Variants in GPHN observed in about 807,000 individuals in gnomAD.
GPHN encodes the protein gephyrin.
A neutral mutation model predicts 95.5 loss-of-function variants in GPHN; 17 were observed. That is an observed-to-expected ratio of 0.18 (90% CI 0.12 to 0.27). The LOEUF is 0.27. GPHN is among the 10% of genes least tolerant of loss of function. The probability of loss-of-function intolerance (pLI) is 1.00; values close to 1 mark genes in which losing one functional copy is unlikely to be tolerated. For synonymous variants in GPHN, 320 were observed against 322.5 expected, an observed-to-expected ratio of 0.99 and a Z score of 0.08; for missense variants, 660 against 978.1, an observed-to-expected ratio of 0.67 and a Z score of 4.34.
the GPHN span, among the ~76,000 whole-genome samples, chr14:67,665,027 A>G: frequency 6.6e-6 from 1 of 152,068 alleles, no homozygotes; most frequent in Non-Finnish European, 1.5e-5. Context: ...CACCACAACC[A>G]GATAATTTTT....
intron 3 of GPHN, among the ~76,000 whole-genome samples, chr14:66,797,021 C>CTTTTTTTTTTTTTTTTTTTTTTTT (rs369681377): frequency 2.1e-4 from 17 of 81,216 alleles, no homozygotes; most frequent in Non-Finnish European, 3.4e-4. Flanking sequence ...TATCTAGTTC[C>CTTTTTTTTTTTTTTTTTTTTTTTT]TTTTTTTTTT....
At chr14:67,328,649 T>C in the GPHN span, among the ~76,000 whole-genome samples, 1 of 152,204 alleles carries the variant, frequency 6.6e-6, no homozygotes, top group African/African-American at 2.4e-5. Context: ...TGAATTAACT[T>C]TTGTATAAGG....
At chr14:66,536,743 G>T (rs1456284529) in intron 1 of GPHN, among the ~76,000 whole-genome samples, 2 of 152,130 alleles carry the variant, frequency 1.3e-5, no homozygotes, top group East Asian at 3.8e-4. Context: ...GCAGTCTTTG[G>T]TGTTAATGTT....
intron 1 of GPHN, among the ~76,000 whole-genome samples, chr14:66,672,715 A>T (rs780448557): frequency 6.6e-6 from 1 of 152,212 alleles, no homozygotes; most frequent in Non-Finnish European, 1.5e-5. Flanking sequence ...TCTGAAATTA[A>T]TACGCTACCT....
chr14:66,711,523 T>C (rs2153422292), intron 2 of GPHN, among the ~76,000 whole-genome samples: 1 of 152,194 alleles, frequency 6.6e-6, no homozygotes. Flanking sequence ...GTCTTTTTCA[T>C]ATAATGACTT....
At chr14:67,212,037 A>G in the GPHN span, among the ~76,000 whole-genome samples, 4 of 152,080 alleles carry the variant, frequency 2.6e-5, no homozygotes, top group Non-Finnish European at 4.4e-5. Flanking sequence ...AATCTTAACC[A>G]CTGTGAAGAT....
chr14:67,558,334 C>T, the GPHN span, among the ~76,000 whole-genome samples: 18 of 152,168 alleles, frequency 1.2e-4, no homozygotes, highest in African/African-American at 4.3e-4. Flanking sequence ...TGGTGCCTTC[C>T]AACCATAATG....
At chr14:67,222,411 C>G in the GPHN span, among the ~76,000 whole-genome samples, 41 of 152,246 alleles carry the variant, frequency 2.7e-4, no homozygotes, top group Non-Finnish European at 5.1e-4. Context: ...GCTGCCTCAG[C>G]CTCCTGAGTA....
the GPHN span, among the ~76,000 whole-genome samples, chr14:67,225,657 C>A: frequency 6.6e-6 from 1 of 152,128 alleles, no homozygotes; most frequent in Non-Finnish European, 1.5e-5. Context: ...CGTAGAGTGC[C>A]TGCAGGGCTG....
chr14:66,551,450 G>A (rs2059809169), intron 1 of GPHN, among the ~76,000 whole-genome samples: 1 of 152,064 alleles, frequency 6.6e-6, no homozygotes, highest in African/African-American at 2.4e-5. Flanking sequence ...TACTCTAGAT[G>A]TCATTTTGAG....
the GPHN span, among the ~76,000 whole-genome samples, chr14:67,635,858 AT>A: frequency 9.5e-4 from 145 of 152,234 alleles, 1 homozygote; most frequent in Non-Finnish European, 1.6e-3. Context: ...TCTAAAAAAA[AT>A]TTTTTTTAAA....
chr14:67,256,797 GACACACACAC>G, the GPHN span, among the ~76,000 whole-genome samples: 1 of 147,682 alleles, frequency 6.8e-6, no homozygotes, highest in Non-Finnish European at 1.5e-5. Context: ...AGAAACTATT[GACACACACAC>G]ACACACACAC....
chr14:66,615,678 CTGA>C (rs1442187676), intron 1 of GPHN, among the ~76,000 whole-genome samples: 2 of 151,908 alleles, frequency 1.3e-5, no homozygotes, highest in Admixed American at 6.6e-5. Flanking sequence ...CCTATTCATT[CTGA>C]TGATAGTTTC....
intron 1 of GPHN, among the ~76,000 whole-genome samples, chr14:66,627,008 A>C (rs954363742): frequency 6.6e-6 from 1 of 152,046 alleles, no homozygotes; most frequent in Non-Finnish European, 1.5e-5. Flanking sequence ...CAGTGTTAGA[A>C]TTATTATAAT....
chr14:66,568,889 C>T (rs2060564129), intron 1 of GPHN, among the ~76,000 whole-genome samples: 1 of 151,930 alleles, frequency 6.6e-6, no homozygotes, highest in Admixed American at 6.6e-5. Context: ...TTTGACAGTC[C>T]ATCATTTCTT....
the GPHN span, among the ~76,000 whole-genome samples, chr14:67,359,237 C>G: frequency 1.3e-5 from 2 of 152,320 alleles, no homozygotes; most frequent in African/African-American, 2.4e-5. Context: ...GTAAACTTCC[C>G]TTCTCAGAGC....
At chr14:66,998,987 C>T (rs192208556) in intron 9 of GPHN, among the ~76,000 whole-genome samples, 78 of 151,160 alleles carry the variant, frequency 5.2e-4, no homozygotes, top group Non-Finnish European at 9.3e-4. Context: ...ACCTTCATAA[C>T]AGCCTTGTTT....
At chr14:67,520,983 C>T in the GPHN span, among the ~76,000 whole-genome samples, 3 of 152,182 alleles carry the variant, frequency 2.0e-5, no homozygotes, top group African/African-American at 7.2e-5. Flanking sequence ...GTCAGTATTT[C>T]CACATTTGGG....
chr14:66,868,248 C>T (rs1169857681), intron 4 of GPHN, among the ~76,000 whole-genome samples: 1 of 152,100 alleles, frequency 6.6e-6, no homozygotes, highest in East Asian at 1.9e-4. Context: ...AGGTTACAAG[C>T]ACATGAGTAC....
Sources: allele counts gnomAD v4.1 joint callset (sites outside exome capture counted in the v4.1 genomes callset), GRCh38; gene constraint gnomAD v4.1.1; transcripts MANE v1.5; gene names NCBI Gene and HGNC (gene_info 2026-07-23, HGNC 2026-07-21).